The following SPRED2 variants were observed in gnomAD, a reference collection of about 807,000 sequenced individuals.
SPRED2 encodes sprouty related EVH1 domain containing 2.
Under a neutral mutation model 43.0 loss-of-function variants are expected in SPRED2, and 47 were observed. That is an observed-to-expected ratio of 1.09 (90% CI 0.87 to 1.40). The LOEUF (loss-of-function observed/expected upper bound fraction) is 1.40, where lower values mean the gene tolerates loss of function less well. SPRED2 is among the 40% of genes most tolerant of loss of function. The probability of loss-of-function intolerance (pLI) is 0.00; values close to 1 mark genes in which losing one functional copy is unlikely to be tolerated. For synonymous variants in SPRED2, 225 were observed against 225.7 expected (o/e 1.00, Z 0.03); for missense variants, 561 against 586.4 (o/e 0.96, Z 0.45).
chr2:65,313,742 C>A lies in SPRED2; in HGVS notation c.1016G>T (p.Arg339Leu). 1 of 1,614,208 alleles carries A rather than the reference C, an allele frequency of 6.2e-7. No individual in the cohort carries two copies. The highest frequency in any genetic ancestry group is 8.5e-7 in the Non-Finnish European group (1 of 1,180,032). ...GTCCGCGCACCACATGCAGCTCACCCGGCGGATGCAAGTTCTCACGGAGTC... is the reference window on the plus strand; with the variant it reads ...GTCCGCGCACCACATGCAGCTCACCAGGCGGATGCAAGTTCTCACGGAGTC... Reference protein sequence around the residue: ...APDSVRTCIRRVSCMWCADSM... With the variant: ...APDSVRTCIRLVSCMWCADSM... Residue 339 changes from arginine (R) to leucine (L), a missense_variant, in exon 6 of 6, where the codon CGG becomes CTG. This residue lies in a region of SPRED2 where 164 missense variants were observed against 164.1 expected (regional missense o/e 1.00). Transcript: ENST00000356388.
intron 1 of SPRED2, among the ~76,000 whole-genome samples, chr2:65,419,429 CT>C (rs1366573930): frequency 2.6e-5 from 4 of 152,202 alleles, no homozygotes; most frequent in Admixed American, 2.6e-4. Flanking sequence ...AAGGCACCCT[CT>C]GTGTATTCAT....
At chr2:65,422,095 C>CAT (rs1428023893) in intron 1 of SPRED2, among the ~76,000 whole-genome samples, 2 of 111,486 alleles carry the variant, frequency 1.8e-5, no homozygotes, top group Non-Finnish European at 4.0e-5. Flanking sequence ...CACACACACA[C>CAT]ACACACACAC....
At chr2:65,348,723 GA>G (rs1477710909) in intron 1 of SPRED2, among the ~76,000 whole-genome samples, 1 of 150,944 alleles carries the variant, frequency 6.6e-6, no homozygotes, top group Non-Finnish European at 1.5e-5. Flanking sequence ...AGAATAGCTT[GA>G]ACCCCAGAGG....
chr2:65,392,179 T>C (rs1015596894), intron 1 of SPRED2, among the ~76,000 whole-genome samples: 264 of 145,600 alleles, frequency 1.8e-3, no homozygotes, highest in South Asian at 3.1e-3. Flanking sequence ...GAATTTCTTT[T>C]TTTTTTTTTT....
intron 3 of SPRED2, among the ~76,000 whole-genome samples, chr2:65,333,259 CAA>C (rs200576180): frequency 0.011 from 1,044 of 93,574 alleles, 9 homozygotes; most frequent in Middle Eastern, 0.043. Flanking sequence ...GACTCCATCT[CAA>C]AAAAAAAAAA....
rs74536677 is a variant in SPRED2 at position 65,357,340 on chromosome 2, G to A, written c.27-12444C>T. ...TGGAGAGTGGTATAGAGGTCAGCCC[G>A]AAGGCAGAGTTCAGGTCTTCACATT... is the stretch of plus-strand genomic sequence containing the variant. On this transcript the variant is annotated intron_variant, in intron 1 of 5. Coordinates refer to ENST00000356388, the MANE Select transcript of SPRED2 (RefSeq NM_181784.3). Among the ~76,000 whole-genome samples, 1,173 of 152,240 alleles carry A rather than the reference G, an allele frequency of 7.7e-3. 10 individuals are homozygous for A. Among genetic ancestry groups the A allele is most frequent in the African/African-American group, 0.027 (1,126 of 41,530 alleles).
chr2:65,411,349 G>A (rs1009368881), intron 1 of SPRED2, among the ~76,000 whole-genome samples: 11 of 152,142 alleles, frequency 7.2e-5, no homozygotes, highest in African/African-American at 2.7e-4. Context: ...TGCTTGCGGT[G>A]GGAGGGCGAT....
chr2:65,325,980 C>CA (rs1202722666), intron 4 of SPRED2, among the ~76,000 whole-genome samples: 4,426 of 126,926 alleles, frequency 0.035, 190 homozygotes, highest in African/African-American at 0.1. Flanking sequence ...AAGACTGTCT[C>CA]AAAAAAAAAA....
chr2:65,320,918 A>G (rs1456166092), intron 4 of SPRED2, among the ~76,000 whole-genome samples: 3 of 152,232 alleles, frequency 2.0e-5, no homozygotes, highest in African/African-American at 4.8e-5. Context: ...GCACATACCT[A>G]ATACACAAGC....
Position 65,366,330 on chromosome 2 carries a change from T to C in SPRED2, c.27-21434A>G, listed in dbSNP as rs904562141. Among the ~76,000 whole-genome samples the C allele has an allele frequency of 4.1e-5, 4 of 97,436 alleles. No homozygotes were observed. The Admixed American group carries it at 4.5e-4, about 11-fold the overall frequency. 63.9% of individuals were successfully genotyped at this position (97,436 alleles called of 152,430 possible). ...AAACAACAACAACAACAACAAAACA[T>C]TTCTATCAGAATATCTAAGGAGAAA... is the stretch of plus-strand genomic sequence containing the variant. On this transcript the variant is annotated intron_variant, in intron 1 of 5. Transcript: ENST00000356388.
intron 1 of SPRED2, among the ~76,000 whole-genome samples, chr2:65,390,881 T>C (rs778385870): frequency 3.3e-5 from 5 of 152,064 alleles, no homozygotes; most frequent in Non-Finnish European, 5.9e-5. Flanking sequence ...GCTCAGGAGT[T>C]TGAGACCAGC....
chr2:65,361,422 T>G (rs1674811345), intron 1 of SPRED2, among the ~76,000 whole-genome samples: 1 of 152,230 alleles, frequency 6.6e-6, no homozygotes, highest in Non-Finnish European at 1.5e-5. Context: ...TTAAACAAAA[T>G]AGATTTTCCC....
intron 1 of SPRED2, among the ~76,000 whole-genome samples, chr2:65,390,505 T>C (rs773672075): frequency 2.6e-5 from 4 of 152,132 alleles, no homozygotes; most frequent in Non-Finnish European, 5.9e-5. Context: ...TCTACAGAGA[T>C]GCAGGAGGTG....
intron 1 of SPRED2, among the ~76,000 whole-genome samples, chr2:65,386,284 T>C (rs1429484862): frequency 4.6e-5 from 1 of 21,742 alleles, no homozygotes; most frequent in African/African-American, 9.4e-5. Flanking sequence ...AGACTCTGTC[T>C]CAAAAAAAAA....
downstream of SPRED2, chr2:65,308,399 C>G (rs1672985188): frequency 1.1e-5 from 11 of 985,440 alleles, no homozygotes; most frequent in Non-Finnish European, 1.3e-5. Flanking sequence ...TGTGAACATA[C>G]CTGGAGGGGT....
At chr2:65,360,169 T>A (rs1339910816) in intron 1 of SPRED2, among the ~76,000 whole-genome samples, 1 of 150,448 alleles carries the variant, frequency 6.6e-6, no homozygotes, top group Non-Finnish European at 1.5e-5. Flanking sequence ...TACTGCCAAC[T>A]TCTTCCACCA....
chr2:65,380,875 C>T (rs1442254928), intron 1 of SPRED2, among the ~76,000 whole-genome samples: 1 of 152,108 alleles, frequency 6.6e-6, no homozygotes, highest in Non-Finnish European at 1.5e-5. Context: ...TCTTCTATTA[C>T]ATGTTATATA....
intron 1 of SPRED2, among the ~76,000 whole-genome samples, chr2:65,360,707 G>C (rs1449244619): frequency 6.6e-6 from 1 of 152,188 alleles, no homozygotes; most frequent in Non-Finnish European, 1.5e-5. Context: ...AATTGGGAAA[G>C]AGTTTCAGTT....
downstream of SPRED2, chr2:65,308,597 A>G (rs34349961): frequency 0.17 from 162,941 of 984,462 alleles, 14,923 homozygotes; most frequent in Non-Finnish European, 0.18. Context: ...AGGGACTGAG[A>G]AAGGAACTAG....
Sources: allele counts gnomAD v4.1 joint callset (sites outside exome capture counted in the v4.1 genomes callset), GRCh38; gene constraint gnomAD v4.1.1; regional missense constraint gnomAD v4.1.1; transcripts MANE v1.5; gene names NCBI Gene and HGNC (gene_info 2026-07-23, HGNC 2026-07-21).